Variants in LPP observed in about 807,000 individuals in gnomAD.
LPP encodes the protein LIM domain containing preferred translocation partner in lipoma, also known as lipoma-preferred partner.
LPP carries 38 observed loss-of-function variants against 60.4 expected under a neutral mutation model. The ratio of observed to expected loss-of-function variants is 0.63; its 90% CI spans 0.49 to 0.83. The LOEUF is 0.83. Among genes scored for constraint, LPP ranks in the 40% least tolerant of loss-of-function variants. LPP has a pLI of 0.00. For synonymous variants in LPP, 328 were observed against 290.8 expected (o/e 1.13, Z -1.30); for missense variants, 902 against 783.6 (o/e 1.15, Z -1.80).
chr3:188,793,637 G>T (rs1744500714), intron 9 of LPP, among the ~76,000 whole-genome samples: 2 of 152,132 alleles, frequency 1.3e-5, no homozygotes, highest in South Asian at 2.1e-4. Flanking sequence ...TAGCAGAAGG[G>T]TATCCAGGCC....
Position 188,856,819 on chromosome 3 carries a change from C to A in LPP, c.1411-9381C>A, listed in dbSNP as rs543655207. Reference sequence around the variant, plus strand: ...GGACCTAAGGCTTCCTAATGTGAGGCTTTGGATAGGATTATCTGCTCTGAG... The same window carrying A: ...GGACCTAAGGCTTCCTAATGTGAGGATTTGGATAGGATTATCTGCTCTGAG... On this transcript the variant is annotated intron_variant, in intron 9 of 11. Transcript: ENST00000617246. 1.4e-4 allele frequency among the ~76,000 whole-genome samples: 22 copies of A among 152,248 alleles called. 2 individuals carry two copies. The South Asian group carries it at 4.1e-3, about 29-fold the overall frequency.
chr3:188,632,860 A>G (rs1465379921), intron 7 of LPP, among the ~76,000 whole-genome samples: 1 of 151,818 alleles, frequency 6.6e-6, no homozygotes, highest in Admixed American at 6.6e-5. Flanking sequence ...GTTCGTTTTC[A>G]TTATCTTTTT....
At chr3:188,724,959 G>A (rs1301312097) in intron 8 of LPP, among the ~76,000 whole-genome samples, 1 of 152,210 alleles carries the variant, frequency 6.6e-6, no homozygotes, top group Non-Finnish European at 1.5e-5. Context: ...GCAATAGCTA[G>A]CAATTGGCTC....
chr3:188,159,097 G>GTGATTTATTCTT (rs1717394944), intron 1 of LPP, among the ~76,000 whole-genome samples: 1 of 152,192 alleles, frequency 6.6e-6, no homozygotes, highest in African/African-American at 2.4e-5. Flanking sequence ...TGTTAAGAAT[G>GTGATTTATTCTT]TGATTTATTC....
intron 4 of LPP, among the ~76,000 whole-genome samples, chr3:188,470,561 C>G (rs1163199955): frequency 6.6e-6 from 1 of 152,082 alleles, no homozygotes; most frequent in Non-Finnish European, 1.5e-5. Context: ...AGGGAGCACA[C>G]AGTTTAGTGA....
intron 6 of LPP, among the ~76,000 whole-genome samples, chr3:188,543,151 G>T (rs192457712): frequency 1.3e-5 from 2 of 152,108 alleles, no homozygotes; most frequent in Non-Finnish European, 2.9e-5. Flanking sequence ...TAGTATGATC[G>T]GAAATAGAAG....
At chr3:188,633,748 A>C (rs1015860212) in intron 7 of LPP, among the ~76,000 whole-genome samples, 1 of 152,244 alleles carries the variant, frequency 6.6e-6, no homozygotes, top group Non-Finnish European at 1.5e-5. Flanking sequence ...GTACATCTAT[A>C]TATCATCTAT....
At chr3:188,482,552 C>G (rs78301688) in intron 4 of LPP, among the ~76,000 whole-genome samples, 1,551 of 152,162 alleles carry the variant, frequency 0.01, 30 homozygotes, top group African/African-American at 0.036. Flanking sequence ...TATAGGTGTC[C>G]TGGTGCCTGA....
chr3:188,330,369 T>A (rs1759677208), intron 2 of LPP, among the ~76,000 whole-genome samples: 1 of 152,212 alleles, frequency 6.6e-6, no homozygotes, highest in Non-Finnish European at 1.5e-5. Flanking sequence ...GTATTGTGCT[T>A]TCATTTTCAA....
intron 7 of LPP, among the ~76,000 whole-genome samples, chr3:188,660,809 G>C (rs1405552249): frequency 6.6e-6 from 1 of 152,060 alleles, no homozygotes; most frequent in Admixed American, 6.6e-5. Flanking sequence ...GACGAGAGTG[G>C]CACATTAGTT....
At chr3:188,629,927 T>C (rs1466845553) in intron 7 of LPP, among the ~76,000 whole-genome samples, 1 of 151,972 alleles carries the variant, frequency 6.6e-6, no homozygotes, top group Non-Finnish European at 1.5e-5. Flanking sequence ...GTAATCATGC[T>C]GCACACCTAC....
chr3:188,156,962 C>T (rs1716679137), intron 1 of LPP, among the ~76,000 whole-genome samples: 1 of 151,964 alleles, frequency 6.6e-6, no homozygotes, highest in African/African-American at 2.4e-5. Flanking sequence ...ATAGCAGATT[C>T]CTGTATTTTA....
intron 9 of LPP, among the ~76,000 whole-genome samples, chr3:188,844,238 C>T (rs1198877846): frequency 6.6e-6 from 1 of 152,132 alleles, no homozygotes; most frequent in Non-Finnish European, 1.5e-5. Flanking sequence ...GTTGTATAAT[C>T]TAAGTTTAGG....
At chr3:188,552,254 A>G (rs1483075681) in intron 6 of LPP, among the ~76,000 whole-genome samples, 1 of 152,202 alleles carries the variant, frequency 6.6e-6, no homozygotes, top group East Asian at 1.9e-4. Flanking sequence ...GCAACCCAGC[A>G]TTGGATAAAC....
chr3:188,846,908 C>A lies in LPP; in HGVS notation c.1411-19292C>A, dbSNP rs547173036. ...GAGTTTATGAACTTGCCTGTGTCTT[C>A]GAAATATGCTGTGGCAGAATAGAAA... On this transcript the variant is annotated intron_variant, in intron 9 of 11. Coordinates refer to ENST00000617246, the MANE Select transcript of LPP (RefSeq NM_001375462.1). Among the ~76,000 whole-genome samples, 7 of 152,050 alleles carry A rather than the reference C, an allele frequency of 4.6e-5. No individual in the cohort carries two copies. The East Asian group carries it at 1.2e-3, about 25-fold the overall frequency.
chr3:188,293,895 G>A (rs1206121092), intron 2 of LPP, among the ~76,000 whole-genome samples: 8 of 151,566 alleles, frequency 5.3e-5, no homozygotes, highest in Admixed American at 1.3e-4. Flanking sequence ...TGAAACCCCC[G>A]TCTCTACTAA....
At chr3:188,617,595 T>A (rs1480190730) in intron 7 of LPP, among the ~76,000 whole-genome samples, 1 of 152,188 alleles carries the variant, frequency 6.6e-6, no homozygotes, top group Non-Finnish European at 1.5e-5. Flanking sequence ...ACTCAGTCCA[T>A]AATCTCTCTA....
rs1188116777 is a variant in LPP, at chr3:188,572,457, C to T, written c.430-36704C>T. 1.3e-5 allele frequency among the ~76,000 whole-genome samples: 2 copies of T among 152,030 alleles called. No individual in the cohort carries two copies. Among genetic ancestry groups the T allele is most frequent in the Non-Finnish European group, 2.9e-5 (2 of 68,000 alleles). On this transcript the variant is annotated intron_variant, in intron 6 of 11. Transcript: ENST00000617246. This position sits in a 1 kb window ranked among gnomAD's most constrained non-coding sequence, Gnocchi z 4.1. Reference sequence around the variant, plus strand: ...GGGTAGAGGTTAATGTCGGTAGACACATTATTAGAGTTAAGGGTCCTAAGG... The same window carrying T: ...GGGTAGAGGTTAATGTCGGTAGACATATTATTAGAGTTAAGGGTCCTAAGG...
chr3:188,801,271 A>G, intron 9 of LPP, among the ~76,000 whole-genome samples: 1 of 152,166 alleles, frequency 6.6e-6, no homozygotes. Flanking sequence ...TTTATTACCA[A>G]CACCCATGTA....
Sources: gnomAD v4.1 joint callset for allele counts (sites outside exome capture counted in the v4.1 genomes callset) on GRCh38, gnomAD v4.1.1 for gene constraint, Gnocchi (gnomAD v3.1) non-coding constraint, MANE v1.5 for transcripts, NCBI Gene and HGNC (gene_info 2026-07-23, HGNC 2026-07-21) for gene names.